TMEM45B: variants seen among roughly 807,000 people sequenced by gnomAD.
The protein encoded by TMEM45B is transmembrane protein 45B.
Under a neutral mutation model 27.3 loss-of-function variants are expected in TMEM45B, and 29 were observed. The observed-to-expected ratio is 1.06, with a 90% CI of 0.79 to 1.45. TMEM45B has a LOEUF of 1.45. Ranked by LOEUF, TMEM45B falls within the 40% of genes most tolerant of loss-of-function variation. TMEM45B has a pLI of 0.00. For synonymous variants in TMEM45B, 143 were observed against 134.7 expected (o/e 1.06, Z -0.43); for missense variants, 348 against 343.9 (o/e 1.01, Z -0.09).
intron 4 of TMEM45B, 97 bp from the exon 5 acceptor site, chr11:129,857,216 G>A (rs1415938419): frequency 1.4e-6 from 2 of 1,414,556 alleles, no homozygotes; most frequent in Non-Finnish European, 2.0e-6. Flanking sequence ...ATGAGGCGGT[G>A]GTCACACATG....
chr11:129,829,028 G>T (rs1482908629), intron 1 of TMEM45B, among the ~76,000 whole-genome samples: 3 of 152,210 alleles, frequency 2.0e-5, no homozygotes, highest in Admixed American at 1.3e-4. Context: ...CTAGTCACCT[G>T]CTAGACATTT....
At chr11:129,824,549 C>T (rs773463407) in intron 1 of TMEM45B, among the ~76,000 whole-genome samples, 2 of 152,114 alleles carry the variant, frequency 1.3e-5, no homozygotes, top group Non-Finnish European at 1.5e-5. Flanking sequence ...AAAATAGTAA[C>T]GGTACCAACA....
chr11:129,818,859 G>A lies in TMEM45B; in HGVS notation c.-9+2961G>A, dbSNP rs538104919. ...GAAAACCGGATTTAAGAAAAATAAA[G>A]CAAGTACCTCATGTTGCTTCCCCAA... On this transcript the variant is annotated intron_variant, in intron 1 of 5. Coordinates refer to ENST00000281441, the MANE Select transcript of TMEM45B (RefSeq NM_138788.5). 7.9e-5 allele frequency among the ~76,000 whole-genome samples: 12 copies of A among 152,318 alleles called. No individual in the cohort carries two copies. The South Asian group carries it at 2.3e-3, about 29-fold the overall frequency.
At chr11:129,818,801 T>C (rs1461433156) in intron 1 of TMEM45B, among the ~76,000 whole-genome samples, 1 of 152,218 alleles carries the variant, frequency 6.6e-6, no homozygotes, top group Non-Finnish European at 1.5e-5. Context: ...ACCTTAAAGA[T>C]TGTCAAGTCC....
chr11:129,825,988 G>T (rs2704447), intron 1 of TMEM45B, among the ~76,000 whole-genome samples: 2,956 of 73,062 alleles, frequency 0.04, 84 homozygotes, highest in African/African-American at 0.11. Flanking sequence ...GGTTTTTTTT[G>T]GTTTTTTTTT....
At chr11:129,847,713 T>C (rs11221877) in intron 1 of TMEM45B, among the ~76,000 whole-genome samples, 38,693 of 151,902 alleles carry the variant, frequency 0.25, 5,512 homozygotes, top group East Asian at 0.47. Flanking sequence ...GGTAAGGTCA[T>C]AGATCAACAG....
chr11:129,840,989 A>C (rs1213913332), intron 1 of TMEM45B, among the ~76,000 whole-genome samples: 1 of 151,544 alleles, frequency 6.6e-6, no homozygotes, highest in East Asian at 1.9e-4. Context: ...CAACCAAAAA[A>C]TATATAAAAC....
intron 1 of TMEM45B, among the ~76,000 whole-genome samples, chr11:129,850,089 T>G (rs1947824669): frequency 6.6e-6 from 1 of 152,192 alleles, no homozygotes; most frequent in Non-Finnish European, 1.5e-5. Context: ...TTTCAGATAT[T>G]GACCTTTAGC....
At position 129,855,852 on chromosome 11, in the gene TMEM45B, G is replaced by A. The variant is rs139993952; in HGVS notation, c.530G>A (p.Arg177Gln). 2.4e-5 allele frequency: 38 copies of A among 1,614,054 alleles called. No individual in the cohort carries two copies. The highest frequency in any genetic ancestry group is 1.6e-4 in the Middle Eastern group (1 of 6,062). Reference sequence around the variant, plus strand: ...GACCACATTGTGCTGGAACTTTTCCGAACCAGTCTCATCATTCTTCAGGGA... The same window carrying A: ...GACCACATTGTGCTGGAACTTTTCCAAACCAGTCTCATCATTCTTCAGGGA... ...FRDHIVLELF[R>Q]TSLIILQGTW... The change falls in exon 4 of 6, where the codon CGA becomes CAA. Residue 177 changes from arginine to glutamine, a missense_variant. Transcript: ENST00000281441.
rs1294400239 is a variant in TMEM45B at position 129,854,816 on chromosome 11, G to T, written c.385G>T (p.Gly129Cys). The change falls in exon 3 of 6, where the codon GGT (glycine) becomes TGT (cysteine). Residue 129 changes from glycine to cysteine, a missense_variant and splice_region_variant. Transcript: ENST00000281441. ...TATGGCTGTGGCAGTATTCATGGAA[G>T]GTAATTTTGTGGAACGGATGGAGAG... ...LVMAVAVFME[G>C]FLFYYHVHNR... 6.2e-6 allele frequency: 10 copies of T among 1,612,386 alleles called. No individual in the cohort carries two copies. The highest frequency in any genetic ancestry group is 1.1e-5 in the South Asian group (1 of 91,060).
At chr11:129,854,996 T>C (rs921337876) in intron 3 of TMEM45B, among the ~76,000 whole-genome samples, 180 bp downstream of exon 3, 1 of 152,174 alleles carries the variant, frequency 6.6e-6, no homozygotes, top group African/African-American at 2.4e-5. Flanking sequence ...CCAGGTGACA[T>C]ATTCCCTAAA....
intron 1 of TMEM45B, among the ~76,000 whole-genome samples, chr11:129,825,718 G>A (rs1473112655): frequency 4.6e-5 from 7 of 152,138 alleles, no homozygotes; most frequent in Non-Finnish European, 7.3e-5. Context: ...CAAGCCCACT[G>A]GTAGTGGATG....
rs1947947862 is a variant in TMEM45B, at chr11:129,857,520, C to T, written c.716+62C>T. 1.9e-6 allele frequency: 3 copies of T among 1,589,394 alleles called. No individual in the cohort carries two copies. In the Admixed American group the frequency reaches 5.0e-5, roughly 27 times the overall value. ...CTCTAAGCAGGACTGATGTGATTAA[C>T]TTGCACCATCTGATGAGTGCCGACT... On this transcript the variant is annotated intron_variant, in intron 5 of 5. Coordinates refer to ENST00000281441, the MANE Select transcript of TMEM45B (RefSeq NM_138788.5).
At chr11:129,819,527 TTTCTTTTCTTTTCTCTC>T (rs969400243) in intron 1 of TMEM45B, among the ~76,000 whole-genome samples, 12 of 152,142 alleles carry the variant, frequency 7.9e-5, no homozygotes, top group South Asian at 2.1e-4. Flanking sequence ...TGTCTTTTCT[TTTCTTTTCTTTTCTCTC>T]TTCTTTTCTT....
Position 129,855,906 on chromosome 11 carries a change from C to A in TMEM45B, c.570+14C>A. ...TGGTTCTGGCAGGTGATTTTCCACA[C>A]CCAGGCCCCTCGCTGGTCTGGATGG... is the stretch of plus-strand genomic sequence containing the variant. On this transcript the variant is annotated intron_variant, in intron 4 of 5. Coordinates refer to ENST00000281441, the MANE Select transcript of TMEM45B (RefSeq NM_138788.5). 1.2e-6 allele frequency: 2 copies of A among 1,613,688 alleles called. No homozygotes were observed. The highest frequency in any genetic ancestry group is 1.7e-6 in the Non-Finnish European group (2 of 1,179,742).
At chr11:129,816,006 G>C in intron 1 of TMEM45B, 108 bp downstream of exon 1, 1 of 1,233,138 alleles carries the variant, frequency 8.1e-7, no homozygotes, top group Non-Finnish European at 1.0e-6. Context: ...CCGACTCGCA[G>C]GGGACCTGCG....
intron 1 of TMEM45B, among the ~76,000 whole-genome samples, chr11:129,820,393 G>C (rs1314186554): frequency 6.6e-6 from 1 of 152,196 alleles, no homozygotes; most frequent in Admixed American, 6.5e-5. Flanking sequence ...TAGGCAGCTA[G>C]CAGCATCTGC....
intron 1 of TMEM45B, among the ~76,000 whole-genome samples, chr11:129,847,634 C>T (rs1027785294): frequency 1.5e-4 from 22 of 151,610 alleles, no homozygotes; most frequent in Admixed American, 5.9e-4. Context: ...CAAAGCACAT[C>T]TTGCACCGCC....
At chr11:129,816,095 G>T (rs1011549391) in intron 1 of TMEM45B, among the ~76,000 whole-genome samples, 197 bp downstream of exon 1, 2 of 152,132 alleles carry the variant, frequency 1.3e-5, no homozygotes, top group Admixed American at 1.3e-4. Context: ...GGGATGGAGG[G>T]CCCTGGTGTC....
Sources: gnomAD v4.1 joint callset for allele counts (sites outside exome capture counted in the v4.1 genomes callset) on GRCh38, gnomAD v4.1.1 for gene constraint, MANE v1.5 for transcripts, NCBI Gene and HGNC (gene_info 2026-07-23, HGNC 2026-07-21) for gene names.